Variants in CLTC observed in about 807,000 individuals in gnomAD.
CLTC encodes the protein clathrin heavy chain 1.
In CLTC, 16 loss-of-function variants were observed where a neutral mutation model predicts 195.8. That is an observed-to-expected ratio of 0.08 (90% confidence interval 0.06 to 0.12). The LOEUF is 0.12. Among genes scored for constraint, CLTC ranks in the 10% least tolerant of loss-of-function variants. CLTC has a pLI of 1.00. For synonymous variants in CLTC, 667 were observed against 689.4 expected (o/e 0.97, Z 0.51); for missense variants, 796 against 2,027.0 (o/e 0.39, Z 11.66).
At chr17:59,689,865 CA>C (rs914211772) in intron 30 of CLTC, 21 of 152,324 alleles carry the variant, frequency 1.4e-4, no homozygotes, top group African/African-American at 5.1e-4. Flanking sequence ...CAAGGTCACA[CA>C]ACTAGTTAGT....
intron 8 of CLTC, among the ~76,000 whole-genome samples, chr17:59,662,519 A>T (rs2032633667): frequency 6.6e-6 from 1 of 152,218 alleles, no homozygotes; most frequent in African/African-American, 2.4e-5. Context: ...TGTAGTATGG[A>T]ATTGCCATTG....
At chr17:59,627,824 A>G (rs1233915597) in intron 1 of CLTC, among the ~76,000 whole-genome samples, 3 of 152,208 alleles carry the variant, frequency 2.0e-5, no homozygotes, top group African/African-American at 7.2e-5. Context: ...TTCTTACTGA[A>G]AAGAATGAGT....
In CLTC at chr17:59,691,236, C is replaced by T. The variant is rs544548680; in HGVS notation, c.4903+525C>T. On this transcript the variant is annotated intron_variant, in intron 31 of 31. Transcript: ENST00000269122. The stretch of plus-strand genomic sequence containing the variant: ...AAACCTACATGTCTGAATTACTGCT[C>T]CTTTCCATTTCATAGTTGGTGAACA... 7.2e-5 allele frequency among the ~76,000 whole-genome samples: 11 copies of T among 152,300 alleles called. No individual in the cohort carries two copies. The South Asian group carries it at 1.9e-3, about 26-fold the overall frequency.
intron 16 of CLTC, among the ~76,000 whole-genome samples, chr17:59,675,601 G>A (rs1481043499): frequency 6.6e-6 from 1 of 152,048 alleles, no homozygotes; most frequent in Non-Finnish European, 1.5e-5. Context: ...TGCATTTAAG[G>A]GTAATAGAGA....
intron 28 of CLTC, chr17:59,684,293 G>T: frequency 4.3e-6 from 1 of 233,974 alleles, no homozygotes; most frequent in Non-Finnish European, 8.3e-6. Flanking sequence ...AATTTATTTG[G>T]TATTAACTAT....
chr17:59,681,908 A>G lies in CLTC; in HGVS notation c.3442+69A>G, dbSNP rs948667277. ...AAGCTAAGCATTAAGATATCTGTCT[A>G]TTCTGAATTTTAGAAGAGTTGGATA... On this transcript the variant is annotated intron_variant, in intron 21 of 31. Transcript: ENST00000269122. This position sits in a 1 kb window ranked among gnomAD's most constrained non-coding sequence, Gnocchi z 5.0. The G allele has an allele frequency of 3.2e-5, 44 of 1,379,612 alleles. No homozygotes were observed. The highest frequency in any genetic ancestry group is 3.7e-5 in the Non-Finnish European group (38 of 1,013,500). The allele number at this position is 1,379,612 out of a possible 1,614,324, so 85.5% of individuals were successfully genotyped here.
chr17:59,631,541 T>C (rs1375095885), intron 1 of CLTC, among the ~76,000 whole-genome samples: 2 of 152,230 alleles, frequency 1.3e-5, no homozygotes, highest in African/African-American at 4.8e-5. Flanking sequence ...CAGAAAGACC[T>C]ATGGAGATAA....
At chr17:59,633,302 C>A (rs1471799414) in intron 1 of CLTC, among the ~76,000 whole-genome samples, 1 of 152,066 alleles carries the variant, frequency 6.6e-6, no homozygotes, top group Admixed American at 6.5e-5. Context: ...ACCAGCCTGG[C>A]CAACATGGTG....
intron 31 of CLTC, among the ~76,000 whole-genome samples, chr17:59,693,357 ATTC>A (rs1480348212): frequency 5.2e-5 from 5 of 97,028 alleles, no homozygotes; most frequent in African/African-American, 1.7e-4. Flanking sequence ...ACAGAGCCAG[ATTC>A]TTTTTTTTTT....
Position 59,681,817 on chromosome 17 carries a change from T to C in CLTC, c.3420T>C (p.Val1140=). The C allele has an allele frequency of 6.2e-6, 10 of 1,613,314 alleles. No individual in the cohort carries two copies. Among genetic ancestry groups the C allele is most frequent in the Non-Finnish European group, 8.5e-6 (10 of 1,179,484 alleles). ...ATGATCCTTCCTCCTACATGGAAGT[T>C]GTTCAGGCTGCCAATACTAGTGGTA... ...KADDPSSYME[V]VQAANTSGNW... Residue 1140 remains valine (V), a synonymous_variant, in exon 21 of 32, where the codon GTT becomes GTC. Coordinates refer to ENST00000269122, the MANE Select transcript of CLTC (RefSeq NM_004859.4). This position sits in a 1 kb window ranked among gnomAD's most constrained non-coding sequence, Gnocchi z 5.0.
intron 1 of CLTC, among the ~76,000 whole-genome samples, chr17:59,632,120 G>A (rs942631286): frequency 6.6e-6 from 1 of 152,142 alleles, no homozygotes; most frequent in Non-Finnish European, 1.5e-5. Context: ...TGTAATCCCA[G>A]CACTTTGGGA....
At chr17:59,654,766 C>T (rs1006738007) in intron 5 of CLTC, among the ~76,000 whole-genome samples, 2 of 152,226 alleles carry the variant, frequency 1.3e-5, no homozygotes, top group Non-Finnish European at 2.9e-5. Context: ...CAGGCATTAG[C>T]CACTGCACTT....
At chr17:59,641,973 C>A (rs900691477) in intron 1 of CLTC, among the ~76,000 whole-genome samples, 3 of 149,992 alleles carry the variant, frequency 2.0e-5, no homozygotes, top group African/African-American at 7.4e-5. Context: ...TAGGTGTGAA[C>A]CAAGGTGCCA....
rs1219389077 is a variant in CLTC at position 59,681,275 on chromosome 17, T to C, written c.3066-20T>C. 2 of 1,583,594 alleles carry C rather than the reference T, an allele frequency of 1.3e-6. No individual in the cohort carries two copies. The highest frequency in any genetic ancestry group is 1.4e-5 in the African/African-American group (1 of 73,316). On this transcript the variant is annotated intron_variant, in intron 19 of 31. Transcript: ENST00000269122. This position sits in a 1 kb window ranked among gnomAD's most constrained non-coding sequence, Gnocchi z 5.0. ...TAAACTTAAAATATTGCATTTAAAA[T>C]ATTCTTTTTTTTCTTAAAGGAATCT...
rs551349479 is a variant in CLTC at position 59,628,942 on chromosome 17, G to A, written c.42+8769G>A. On this transcript the variant is annotated intron_variant, in intron 1 of 31. Coordinates refer to ENST00000269122, the MANE Select transcript of CLTC (RefSeq NM_004859.4). ...TTCCCAAAGTGCTGGGATTACAGGCGTGAGCCATCGTGCCTGGCCAACTTG... is the reference window on the plus strand; with the variant it reads ...TTCCCAAAGTGCTGGGATTACAGGCATGAGCCATCGTGCCTGGCCAACTTG... Among the ~76,000 whole-genome samples, 116 of 152,118 alleles carry A rather than the reference G, an allele frequency of 7.6e-4. 5 individuals carry two copies. In the South Asian group the frequency reaches 0.023, roughly 30 times the overall value.
chr17:59,665,179 C>T (rs978181553), intron 10 of CLTC, among the ~76,000 whole-genome samples: 1 of 150,932 alleles, frequency 6.6e-6, no homozygotes, highest in Non-Finnish European at 1.5e-5. Flanking sequence ...GAGCTATGAT[C>T]GTGCCATTGG....
intron 30 of CLTC, 60 bp from the exon 31 acceptor site, chr17:59,690,576 C>CTT: frequency 8.3e-7 from 1 of 1,199,434 alleles, no homozygotes; most frequent in Non-Finnish European, 1.2e-6. Flanking sequence ...CACTTTCTGC[C>CTT]ATAAACCTAG....
chr17:59,691,092 C>T (rs1007096610), intron 31 of CLTC, among the ~76,000 whole-genome samples: 3 of 152,110 alleles, frequency 2.0e-5, no homozygotes, highest in African/African-American at 7.2e-5. Flanking sequence ...AAGAATACAT[C>T]CTCATTTTAA....
chr17:59,637,016 A>G (rs112044837), intron 1 of CLTC, among the ~76,000 whole-genome samples: 1 of 145,926 alleles, frequency 6.9e-6, no homozygotes, highest in African/African-American at 2.6e-5. Flanking sequence ...TCTTGACCTC[A>G]GGTAATCCAC....
Sources: gnomAD v4.1 joint callset for allele counts (sites outside exome capture counted in the v4.1 genomes callset) on GRCh38, gnomAD v4.1.1 for gene constraint, Gnocchi (gnomAD v3.1) non-coding constraint, MANE v1.5 for transcripts, NCBI Gene and HGNC (gene_info 2026-07-23, HGNC 2026-07-21) for gene names.